The following TCF4 variants were observed in gnomAD, a reference collection of about 807,000 sequenced individuals.
TCF4 encodes the protein SL3-3 enhancer factor 2.
In TCF4, 3 loss-of-function variants were observed where a neutral mutation model predicts 82.1. That is an observed-to-expected ratio of 0.04 (90% CI 0.02 to 0.09). The LOEUF (loss-of-function observed/expected upper bound fraction) is 0.09, where lower values mean the gene tolerates loss of function less well. Among genes scored for constraint, TCF4 ranks in the 10% least tolerant of loss-of-function variants. The pLI is 1.00. For missense variants in TCF4, 518 were observed against 852.7 expected, an observed-to-expected ratio of 0.61 and a Z score of 4.89; for synonymous variants, 276 against 309.6, an observed-to-expected ratio of 0.89 and a Z score of 1.14.
chr18:55,473,170 T>C (rs765613070), intron 3 of TCF4, among the ~76,000 whole-genome samples: 1 of 152,176 alleles, frequency 6.6e-6, no homozygotes, highest in Non-Finnish European at 1.5e-5. Context: ...ACATGAAACA[T>C]GGAACTGTTT....
intron 3 of TCF4, among the ~76,000 whole-genome samples, chr18:55,481,658 TA>T (rs1318201042): frequency 6.6e-6 from 1 of 152,234 alleles, no homozygotes; most frequent in Non-Finnish European, 1.5e-5. Context: ...CCAAAACCTT[TA>T]ATTTTCTACT....
intron 6 of TCF4, among the ~76,000 whole-genome samples, chr18:55,360,730 C>CTTT: frequency 2.2e-5 from 1 of 44,562 alleles, no homozygotes; most frequent in East Asian, 1.0e-3. Flanking sequence ...CGCCCCCCAC[C>CTTT]CTTTTTTTTT....
At chr18:55,294,714 A>G (rs180903142) in intron 8 of TCF4, among the ~76,000 whole-genome samples, 1 of 152,322 alleles carries the variant, frequency 6.6e-6, no homozygotes, top group East Asian at 1.9e-4. Flanking sequence ...TCATCGATGT[A>G]GAATTTACGA....
chr18:55,521,205 T>C (rs2096930317), intron 3 of TCF4, among the ~76,000 whole-genome samples: 1 of 152,186 alleles, frequency 6.6e-6, no homozygotes. Context: ...TTATACATCA[T>C]GCAAAAATTA....
intron 5 of TCF4, chr18:55,452,744 T>TG (rs948873984): frequency 1.3e-5 from 2 of 152,314 alleles, no homozygotes; most frequent in Admixed American, 1.3e-4. Context: ...GTTGCTGCCT[T>TG]GCTCAAGGGC....
intron 3 of TCF4, among the ~76,000 whole-genome samples, chr18:55,574,683 C>T (rs1460159723): frequency 6.6e-6 from 1 of 152,090 alleles, no homozygotes; most frequent in Non-Finnish European, 1.5e-5. Context: ...TACTGTAGAA[C>T]TTTTATTTAA....
chr18:55,457,313 C>T (rs529180453), intron 5 of TCF4, among the ~76,000 whole-genome samples: 4 of 152,242 alleles, frequency 2.6e-5, no homozygotes, highest in South Asian at 4.1e-4. Flanking sequence ...AACCAAGAAA[C>T]GTCATTAAGT....
intron 3 of TCF4, among the ~76,000 whole-genome samples, chr18:55,474,113 T>C (rs554702475): frequency 2.6e-5 from 4 of 152,320 alleles, no homozygotes; most frequent in African/African-American, 9.6e-5. Flanking sequence ...TACAGTTGTA[T>C]AAATCTACCT....
At chr18:55,444,392 A>C (rs1603468339) in intron 5 of TCF4, among the ~76,000 whole-genome samples, 1 of 152,304 alleles carries the variant, frequency 6.6e-6, no homozygotes, top group East Asian at 1.9e-4. Context: ...TTGGAGGGAA[A>C]AAGAGATGAA....
In TCF4 at chr18:55,587,155, C is replaced by T; in HGVS notation, c.-20-19G>A. The T allele has an allele frequency of 1.9e-6, 3 of 1,605,370 alleles. No individual in the cohort carries two copies. In the South Asian group the frequency reaches 3.3e-5, roughly 18 times the overall value. ...CACAAACCTAGAAACATGGAAATAA[C>T]CGCAATCAGAAAATCCAGTCCCAAT... On this transcript the variant is annotated intron_variant, in intron 1 of 19. Transcript: ENST00000354452.
chr18:55,635,899 G>A (rs533992318), exon 1 of TCF4: 3 of 1,570,652 alleles, frequency 1.9e-6, no homozygotes, highest in Non-Finnish European at 2.6e-6. Flanking sequence ...AGAAAACATG[G>A]TGTTGTTCCT....
chr18:55,517,229 C>T (rs979015458), intron 3 of TCF4, among the ~76,000 whole-genome samples: 4 of 152,144 alleles, frequency 2.6e-5, no homozygotes, highest in African/African-American at 9.7e-5. Flanking sequence ...TAAGCAGAGA[C>T]TTAAAAAGTG....
At chr18:55,531,786 T>C (rs2097066244) in intron 3 of TCF4, among the ~76,000 whole-genome samples, 1 of 152,154 alleles carries the variant, frequency 6.6e-6, no homozygotes, top group African/African-American at 2.4e-5. Context: ...ATTATGGAAT[T>C]CATAAGCATT....
At chr18:55,399,894 A>T (rs1424757817) in intron 6 of TCF4, among the ~76,000 whole-genome samples, 32 of 142,390 alleles carry the variant, frequency 2.2e-4, no homozygotes, top group Non-Finnish European at 3.6e-4. Context: ...ACACACACAC[A>T]CACACACACA....
intron 3 of TCF4, among the ~76,000 whole-genome samples, chr18:55,574,850 A>G (rs1348651058): frequency 6.6e-6 from 1 of 152,232 alleles, no homozygotes; most frequent in African/African-American, 2.4e-5. Context: ...GAATGTGCAC[A>G]TAAGTAAATT....
intron 6 of TCF4, among the ~76,000 whole-genome samples, chr18:55,367,012 T>G (rs930876014): frequency 6.6e-6 from 1 of 152,224 alleles, no homozygotes; most frequent in African/African-American, 2.4e-5. Flanking sequence ...AAGTTCTATA[T>G]ACCCAAAATA....
At chr18:55,540,267 C>T (rs2097154395) in intron 3 of TCF4, among the ~76,000 whole-genome samples, 1 of 151,948 alleles carries the variant, frequency 6.6e-6, no homozygotes, top group African/African-American at 2.4e-5. Flanking sequence ...GCAGACATAT[C>T]ACAGGAAATC....
intron 2 of TCF4, among the ~76,000 whole-genome samples, chr18:55,626,540 T>C (rs569462212): frequency 7.2e-5 from 11 of 152,334 alleles, no homozygotes; most frequent in Non-Finnish European, 1.2e-4. Context: ...ACTTGACATA[T>C]AAAAATTCAA....
chr18:55,416,968 CCG>C (rs2094545877), intron 5 of TCF4, among the ~76,000 whole-genome samples: 2 of 152,136 alleles, frequency 1.3e-5, no homozygotes, highest in African/African-American at 4.8e-5. Flanking sequence ...AAGAAAGGAG[CCG>C]AGTGCTCAAA....
Sources: gnomAD v4.1 joint callset for allele counts (sites outside exome capture counted in the v4.1 genomes callset) on GRCh38, gnomAD v4.1.1 for gene constraint, MANE v1.5 for transcripts, NCBI Gene and HGNC (gene_info 2026-07-23, HGNC 2026-07-21) for gene names.